Variants in ADAMTSL3 observed in about 807,000 individuals in gnomAD.
The protein encoded by ADAMTSL3 is ADAMTS-like protein 3.
ADAMTSL3 carries 128 observed loss-of-function variants against 201.7 expected under a neutral mutation model. That is an observed-to-expected ratio of 0.63 (90% CI 0.55 to 0.73). ADAMTSL3 has a LOEUF of 0.73. Ranked by LOEUF, ADAMTSL3 falls within the 30% of genes least tolerant of loss-of-function variation. The pLI is 0.00. For missense variants in ADAMTSL3, 1,990 were observed against 2,119.6 expected (o/e 0.94, Z 1.20); for synonymous variants, 738 against 748.4 (o/e 0.99, Z 0.23).
intron 28 of ADAMTSL3, among the ~76,000 whole-genome samples, chr15:84,035,014 A>C (rs2068478934): frequency 6.6e-6 from 1 of 152,168 alleles, no homozygotes; most frequent in South Asian, 2.1e-4. Context: ...GGAGGAAGTT[A>C]CGCCCTCTAC....
At chr15:83,970,845 A>T (rs910090092) in intron 20 of ADAMTSL3, among the ~76,000 whole-genome samples, 2 of 152,212 alleles carry the variant, frequency 1.3e-5, no homozygotes, top group African/African-American at 4.8e-5. Flanking sequence ...ATGTCCGCCC[A>T]CTTAACAAAT....
At position 83,922,532 on chromosome 15, in the gene ADAMTSL3, A is replaced by G. The variant is rs187476066; in HGVS notation, c.1988-1372A>G. On this transcript the variant is annotated intron_variant, in intron 16 of 29. Transcript: ENST00000286744. ...AGAAAATGAACACTTAAACCTCTAC[A>G]AGGTAACTACGTTTTGATATTTGCA... Among the ~76,000 whole-genome samples the G allele has an allele frequency of 5.3e-5, 8 of 152,350 alleles. No individual in the cohort carries two copies. The East Asian group carries it at 1.5e-3, about 29-fold the overall frequency.
intron 3 of ADAMTSL3, among the ~76,000 whole-genome samples, chr15:83,716,319 A>G (rs1007037167): frequency 1.3e-5 from 2 of 149,166 alleles, no homozygotes; most frequent in Admixed American, 6.7e-5. Flanking sequence ...CCTGGCCAAC[A>G]TAGTGAAACC....
chr15:84,029,921 C>G (rs2068374438), intron 27 of ADAMTSL3, among the ~76,000 whole-genome samples: 1 of 152,270 alleles, frequency 6.6e-6, no homozygotes, highest in Non-Finnish European at 1.5e-5. Flanking sequence ...TCAGAGGGCG[C>G]AAGCCCCAAC....
At chr15:83,738,844 C>T (rs189432167) in intron 3 of ADAMTSL3, among the ~76,000 whole-genome samples, 18 of 151,432 alleles carry the variant, frequency 1.2e-4, no homozygotes, top group South Asian at 2.1e-4. Context: ...TGCATTGAGC[C>T]GAGATTCTGC....
At chr15:83,875,491 A>G (rs966765859) in intron 9 of ADAMTSL3, among the ~76,000 whole-genome samples, 2 of 152,214 alleles carry the variant, frequency 1.3e-5, no homozygotes, top group African/African-American at 4.8e-5. Context: ...ATGGTGATTC[A>G]CGTAGAACAA....
intron 13 of ADAMTSL3, among the ~76,000 whole-genome samples, chr15:83,894,205 T>G (rs2065567972): frequency 6.6e-6 from 1 of 152,212 alleles, no homozygotes; most frequent in Non-Finnish European, 1.5e-5. Context: ...AGGACAAGTG[T>G]CAGGTAAAGA....
intron 19 of ADAMTSL3, among the ~76,000 whole-genome samples, chr15:83,970,026 T>C (rs1377208050): frequency 6.6e-6 from 1 of 152,170 alleles, no homozygotes; most frequent in Non-Finnish European, 1.5e-5. Flanking sequence ...ACCCATCACA[T>C]TGTACACATT....
intron 19 of ADAMTSL3, among the ~76,000 whole-genome samples, chr15:83,959,572 G>A (rs2066923304): frequency 6.6e-6 from 1 of 152,156 alleles, no homozygotes; most frequent in African/African-American, 2.4e-5. Context: ...GATACTGAAG[G>A]AAAGAAAGTG....
intron 23 of ADAMTSL3, among the ~76,000 whole-genome samples, chr15:84,006,055 C>T (rs1030354086): frequency 6.6e-6 from 1 of 152,170 alleles, no homozygotes; most frequent in Admixed American, 6.5e-5. Flanking sequence ...AGAAGAGGAA[C>T]GTTCCTTACA....
chr15:83,790,439 A>G (rs1178820464), intron 4 of ADAMTSL3, among the ~76,000 whole-genome samples: 1 of 151,756 alleles, frequency 6.6e-6, no homozygotes, highest in African/African-American at 2.4e-5. Flanking sequence ...TTGAAAGTCA[A>G]TCAATGTAAT....
intron 4 of ADAMTSL3, among the ~76,000 whole-genome samples, chr15:83,801,690 A>ATG: frequency 3.4e-5 from 3 of 87,654 alleles, no homozygotes; most frequent in Non-Finnish European, 4.7e-5. Context: ...ATATATATAT[A>ATG]TATATGTATG....
At chr15:83,679,832 A>G (rs2061453680) in intron 2 of ADAMTSL3, among the ~76,000 whole-genome samples, 1 of 152,086 alleles carries the variant, frequency 6.6e-6, no homozygotes, top group South Asian at 2.1e-4. Context: ...CAGGCTTCTC[A>G]CTTCATCTCA....
intron 3 of ADAMTSL3, among the ~76,000 whole-genome samples, chr15:83,706,437 G>A (rs1268460093): frequency 2.0e-5 from 3 of 152,092 alleles, no homozygotes; most frequent in African/African-American, 7.2e-5. Flanking sequence ...AACACTCTGT[G>A]TTGCCCCCAC....
In ADAMTSL3 at chr15:83,923,837, C is replaced by T. The variant is rs2066193451; in HGVS notation, c.1988-67C>T. 9 of 1,577,112 alleles carry T rather than the reference C, an allele frequency of 5.7e-6. No individual in the cohort carries two copies. The Admixed American group carries it at 1.5e-4, about 27-fold the overall frequency. On this transcript the variant is annotated intron_variant, in intron 16 of 29. Coordinates refer to ENST00000286744, the MANE Select transcript of ADAMTSL3 (RefSeq NM_207517.3). ...GCTAAGAATGAGAAGACCTAAGACTCTATTTTCTTTTTTCCACAATAAATT... is the reference window on the plus strand; with the variant it reads ...GCTAAGAATGAGAAGACCTAAGACTTTATTTTCTTTTTTCCACAATAAATT...
chr15:83,851,639 C>G, intron 7 of ADAMTSL3, among the ~76,000 whole-genome samples: 1 of 151,972 alleles, frequency 6.6e-6, no homozygotes, highest in East Asian at 1.9e-4. Flanking sequence ...TAAAAAAAAT[C>G]CAGAATATCC....
At chr15:83,874,939 T>G (rs2065151271) in intron 9 of ADAMTSL3, among the ~76,000 whole-genome samples, 1 of 145,498 alleles carries the variant, frequency 6.9e-6, no homozygotes, top group Admixed American at 6.7e-5. Context: ...GTGGACCTTC[T>G]CAGCGAGGAA....
chr15:84,025,356 G>C lies in ADAMTSL3; in HGVS notation c.4576G>C (p.Ala1526Pro), dbSNP rs1238781447. 9.9e-6 allele frequency: 16 copies of C among 1,614,022 alleles called. No individual in the cohort carries two copies. The highest frequency in any genetic ancestry group is 1.3e-5 in the Non-Finnish European group (15 of 1,180,040). ...NGTVQVVSPR[A>P]CAPKDRPLGR... ...AACTGTGCAGGTGGTGTCTCCAAGA[G>C]CATGTGCCCCTAAAGACCGGCCTCT... Residue 1526 changes from alanine (A) to proline (P), a missense_variant, in exon 27 of 30, where the codon GCA becomes CCA. Coordinates refer to ENST00000286744, the MANE Select transcript of ADAMTSL3 (RefSeq NM_207517.3).
chr15:83,822,979 G>C (rs1201901364), intron 6 of ADAMTSL3, among the ~76,000 whole-genome samples: 2 of 152,022 alleles, frequency 1.3e-5, no homozygotes, highest in Non-Finnish European at 2.9e-5. Context: ...GATCACTCGC[G>C]GTTAGGAGCT....
Sources: allele counts gnomAD v4.1 joint callset (sites outside exome capture counted in the v4.1 genomes callset), GRCh38; gene constraint gnomAD v4.1.1; transcripts MANE v1.5; gene names NCBI Gene and HGNC (gene_info 2026-07-23, HGNC 2026-07-21).